The following ANKS1B variants were observed in gnomAD, a reference collection of about 807,000 sequenced individuals.
ANKS1B encodes the protein ankyrin repeat and sterile alpha motif domain-containing protein 1B.
A neutral mutation model predicts 148.3 loss-of-function variants in ANKS1B; 36 were observed. The observed-to-expected ratio is 0.24, with a 90% CI of 0.19 to 0.32. The LOEUF (loss-of-function observed/expected upper bound fraction) is 0.32. ANKS1B is among the 10% of genes least tolerant of loss of function. ANKS1B has a pLI of 1.00. For synonymous variants in ANKS1B, 542 were observed against 560.8 expected, an observed-to-expected ratio of 0.97 and a Z score of 0.47; for missense variants, 1,157 against 1,542.6, an observed-to-expected ratio of 0.75 and a Z score of 4.19.
At chr12:98,760,884 G>A (rs145760998) in intron 25 of ANKS1B, among the ~76,000 whole-genome samples, 3 of 152,290 alleles carry the variant, frequency 2.0e-5, no homozygotes, top group Non-Finnish European at 4.4e-5. Flanking sequence ...ATCTCTGCAC[G>A]AAGTCAAACT....
chr12:99,396,739 C>A (rs949531540), intron 12 of ANKS1B, among the ~76,000 whole-genome samples: 2 of 152,178 alleles, frequency 1.3e-5, no homozygotes, highest in South Asian at 4.1e-4. Flanking sequence ...ATTTCTATTG[C>A]TTTTAATTAA....
chr12:98,891,519 A>T (rs2099752651), intron 17 of ANKS1B, among the ~76,000 whole-genome samples: 1 of 152,194 alleles, frequency 6.6e-6, no homozygotes, highest in Admixed American at 6.5e-5. Flanking sequence ...TTTGCATAAA[A>T]ATTACATCTA....
intron 8 of ANKS1B, among the ~76,000 whole-genome samples, chr12:99,726,133 A>G (rs1360953928): frequency 3.3e-5 from 5 of 152,184 alleles, no homozygotes; most frequent in South Asian, 2.1e-4. Context: ...AGAAATAACT[A>G]AGATCAGAGC....
At chr12:99,605,820 C>T (rs112411712) in intron 9 of ANKS1B, among the ~76,000 whole-genome samples, 44 of 152,146 alleles carry the variant, frequency 2.9e-4, no homozygotes, top group African/African-American at 9.6e-4. Flanking sequence ...TTTTTTGACA[C>T]ACTGACTTCA....
At chr12:99,836,973 A>G (rs1032137830) in intron 1 of ANKS1B, among the ~76,000 whole-genome samples, 7 of 152,180 alleles carry the variant, frequency 4.6e-5, no homozygotes, top group African/African-American at 1.7e-4. Flanking sequence ...GAACGTGTGC[A>G]TATTTTGTAT....
rs571972596 is a variant in ANKS1B, at chr12:99,070,901, G to A, written c.2625+14024C>T. Among the ~76,000 whole-genome samples the A allele has an allele frequency of 4.9e-4, 75 of 152,180 alleles. 1 individual carries two copies. Among genetic ancestry groups the A allele is most frequent in the African/African-American group, 1.6e-3 (68 of 41,508 alleles). ...CCTTGTCTTGAAGTCCTTCCCTCAC[G>A]CGATCCTCCTGCCTTGGCCTCCCAA... On this transcript the variant is annotated intron_variant, in intron 16 of 26. Transcript: ENST00000683438.
At chr12:99,629,470 C>T (rs919206112) in intron 9 of ANKS1B, among the ~76,000 whole-genome samples, 4 of 152,082 alleles carry the variant, frequency 2.6e-5, no homozygotes, top group Non-Finnish European at 5.9e-5. Flanking sequence ...TTGAGTAACA[C>T]TTATTGAGCA....
At chr12:99,404,443 G>C (rs57107435) in intron 11 of ANKS1B, among the ~76,000 whole-genome samples, 13,065 of 145,290 alleles carry the variant, frequency 0.09, 3,082 homozygotes, top group African/African-American at 0.31. Flanking sequence ...ATTTAACAAA[G>C]AGATTGAAAT....
At chr12:99,785,771 A>G (rs908828113) in intron 4 of ANKS1B, among the ~76,000 whole-genome samples, 8 of 152,182 alleles carry the variant, frequency 5.3e-5, no homozygotes, top group African/African-American at 1.9e-4. Flanking sequence ...AATTAACCCA[A>G]TCTAAAGTAG....
chr12:98,977,556 A>G (rs1176146434), intron 17 of ANKS1B, among the ~76,000 whole-genome samples: 1 of 152,210 alleles, frequency 6.6e-6, no homozygotes, highest in East Asian at 1.9e-4. Context: ...GTGATCATCA[A>G]ACTCTGATTT....
chr12:99,133,136 C>T (rs1211930860), intron 15 of ANKS1B, among the ~76,000 whole-genome samples: 1 of 150,612 alleles, frequency 6.6e-6, no homozygotes, highest in Admixed American at 6.6e-5. Flanking sequence ...ACTGCAACCT[C>T]TGCCTCCCAG....
At chr12:99,608,257 T>G (rs1017408360) in intron 9 of ANKS1B, among the ~76,000 whole-genome samples, 1 of 152,034 alleles carries the variant, frequency 6.6e-6, no homozygotes, top group African/African-American at 2.4e-5. Flanking sequence ...TGGTAAGCAC[T>G]CTAGTAGCTT....
intron 12 of ANKS1B, among the ~76,000 whole-genome samples, chr12:99,268,941 A>G (rs1036327241): frequency 6.6e-6 from 1 of 152,320 alleles, no homozygotes; most frequent in South Asian, 2.1e-4. Context: ...GGAAAGCAAA[A>G]TGAAATTTAT....
rs1046009924 is a variant in ANKS1B, at chr12:99,461,775, C to T, written c.1439-17966G>A. ...GCCTGAGTGTTTTGATTTCTACTTA[C>T]GTAATCTTTGCTTTAATTCTATTCA... On this transcript the variant is annotated intron_variant, in intron 10 of 26. Coordinates refer to ENST00000683438, the MANE Select transcript of ANKS1B (RefSeq NM_001352186.2). Among the ~76,000 whole-genome samples the T allele has an allele frequency of 3.3e-5, 5 of 152,298 alleles. No individual in the cohort carries two copies. In the South Asian group the frequency reaches 6.2e-4, roughly 19 times the overall value.
At chr12:99,175,241 C>T (rs1229531780) in intron 14 of ANKS1B, among the ~76,000 whole-genome samples, 1 of 152,166 alleles carries the variant, frequency 6.6e-6, no homozygotes, top group African/African-American at 2.4e-5. Flanking sequence ...TTTCCATGGA[C>T]ATTGAGCAAA....
At chr12:99,232,102 G>C (rs891961908) in intron 14 of ANKS1B, among the ~76,000 whole-genome samples, 5 of 152,234 alleles carry the variant, frequency 3.3e-5, no homozygotes, top group African/African-American at 1.2e-4. Context: ...TAGGATAAGT[G>C]TTAGCCACTG....
At chr12:99,176,834 C>A (rs1008646051) in intron 14 of ANKS1B, among the ~76,000 whole-genome samples, 1 of 150,548 alleles carries the variant, frequency 6.6e-6, no homozygotes, top group Non-Finnish European at 1.5e-5. Flanking sequence ...TCCCTGAGAG[C>A]CCCCCAGAAG....
At chr12:99,435,050 C>T (rs1016029430) in intron 11 of ANKS1B, among the ~76,000 whole-genome samples, 3 of 152,040 alleles carry the variant, frequency 2.0e-5, no homozygotes, top group Admixed American at 2.0e-4. Flanking sequence ...GATAAACTCA[C>T]CTGGAATTTC....
chr12:99,883,863 C>G (rs1303501741), intron 1 of ANKS1B, among the ~76,000 whole-genome samples: 1 of 152,190 alleles, frequency 6.6e-6, no homozygotes, highest in African/African-American at 2.4e-5. Flanking sequence ...TTGTAGTGAG[C>G]TGACATCGTG....
Sources: allele counts gnomAD v4.1 joint callset (sites outside exome capture counted in the v4.1 genomes callset), GRCh38; gene constraint gnomAD v4.1.1; transcripts MANE v1.5; gene names NCBI Gene and HGNC (gene_info 2026-07-23, HGNC 2026-07-21).